SAV1: variants seen among roughly 807,000 people sequenced by gnomAD.
SAV1 encodes the protein protein salvador homolog 1.
A neutral mutation model predicts 47.3 loss-of-function variants in SAV1; 23 were observed. That is an observed-to-expected ratio of 0.49 (90% CI 0.35 to 0.69). SAV1 has a LOEUF of 0.69. SAV1 is among the 30% of genes least tolerant of loss of function. The probability of loss-of-function intolerance (pLI) is 0.01; values close to 1 mark genes in which losing one functional copy is unlikely to be tolerated. For synonymous variants in SAV1, 155 were observed against 159.2 expected, an observed-to-expected ratio of 0.97 and a Z score of 0.20; for missense variants, 448 against 457.4, an observed-to-expected ratio of 0.98 and a Z score of 0.19.
chr14:50,652,711 C>A (rs1404074253), intron 2 of SAV1, among the ~76,000 whole-genome samples: 1 of 152,056 alleles, frequency 6.6e-6, no homozygotes, highest in African/African-American at 2.4e-5. Context: ...TAATATGGAA[C>A]ATGAGAAAAA....
chr14:50,639,782 C>T (rs2039666825), intron 4 of SAV1, among the ~76,000 whole-genome samples: 1 of 152,142 alleles, frequency 6.6e-6, no homozygotes, highest in Non-Finnish European at 1.5e-5. Flanking sequence ...CTCTCCTCAA[C>T]CATATCCACC....
chr14:50,659,855 T>C (rs569070279), intron 2 of SAV1, among the ~76,000 whole-genome samples: 1 of 151,834 alleles, frequency 6.6e-6, no homozygotes, highest in African/African-American at 2.4e-5. Flanking sequence ...AAAAAGAAAA[T>C]AGAAGAGAAG....
chr14:50,648,995 T>G (rs1006452094), intron 2 of SAV1, among the ~76,000 whole-genome samples: 1 of 152,182 alleles, frequency 6.6e-6, no homozygotes, highest in Non-Finnish European at 1.5e-5. Flanking sequence ...CTACTGATGA[T>G]CAGACCTCCA....
chr14:50,641,300 T>C (rs1171984783), intron 3 of SAV1, among the ~76,000 whole-genome samples: 2 of 152,154 alleles, frequency 1.3e-5, no homozygotes, highest in East Asian at 3.9e-4. Flanking sequence ...GAAATATCTC[T>C]ATCCAATGCA....
At chr14:50,640,704 C>A in intron 4 of SAV1, 46 bp downstream of exon 4, 1 of 1,565,958 alleles carries the variant, frequency 6.4e-7, no homozygotes, top group East Asian at 2.3e-5. Context: ...CTCCATTCAG[C>A]CCTTCACTCA....
intron 2 of SAV1, 125 bp downstream of exon 2, chr14:50,665,054 G>C: frequency 7.4e-7 from 1 of 1,349,370 alleles, no homozygotes; most frequent in African/African-American, 1.5e-5. Context: ...AGCAGGATGA[G>C]CAAAGTGGAA....
chr14:50,646,515 G>A (rs933691731), intron 2 of SAV1, among the ~76,000 whole-genome samples: 8 of 151,996 alleles, frequency 5.3e-5, no homozygotes, highest in Admixed American at 3.3e-4. Context: ...GTGAAACCCC[G>A]TCTCTATTAA....
intron 4 of SAV1, among the ~76,000 whole-genome samples, chr14:50,639,644 T>C (rs187017381): frequency 1.3e-5 from 2 of 152,096 alleles, no homozygotes; most frequent in Non-Finnish European, 2.9e-5. Context: ...TCTTCAGGAA[T>C]CTGTTTCTTT....
chr14:50,644,140 C>G (rs1371510031), intron 3 of SAV1, among the ~76,000 whole-genome samples: 1 of 152,238 alleles, frequency 6.6e-6, no homozygotes, highest in Non-Finnish European at 1.5e-5. Flanking sequence ...AAGGGCTCAA[C>G]AGCCACACGT....
In SAV1 at chr14:50,668,008, T is replaced by G. The variant is rs2039919011; in HGVS notation, c.-41A>C. The G allele has an allele frequency of 6.8e-7, 1 of 1,474,644 alleles. No homozygotes were observed. The highest frequency in any genetic ancestry group is 9.1e-7 in the Non-Finnish European group (1 of 1,098,400). The allele number at this position is 1,474,644 out of a possible 1,614,324, so 91.3% of individuals were successfully genotyped here. A position where few individuals can be genotyped will look rare whatever the true frequency, so the allele number is the denominator to read the frequency against. On this transcript the variant is annotated 5_prime_UTR_variant, in exon 1 of 5. An upstream open reading frame in the 5' UTR loses its in-frame stop. Transcript: ENST00000324679. ...CCGAGGCCGCGCTGAACTGCCTCCC[T>G]AGGGCTCCGCGCCGGGCGCCGGCCG... is the stretch of plus-strand genomic sequence containing the variant.
rs140132743 is a variant in SAV1 at position 50,654,596 on chromosome 14, G to C, written c.536-9582C>G. Among the ~76,000 whole-genome samples the C allele has an allele frequency of 4.6e-5, 7 of 152,326 alleles. No individual in the cohort carries two copies. In the East Asian group the frequency reaches 1.2e-3, roughly 25 times the overall value. On this transcript the variant is annotated intron_variant, in intron 2 of 4. Coordinates refer to ENST00000324679, the MANE Select transcript of SAV1 (RefSeq NM_021818.4). ...AATATTGCAAGAATTACCAAGATGT[G>C]ACACAGAGACATGAAATGCGCACGT...
intron 4 of SAV1, among the ~76,000 whole-genome samples, 173 bp from the exon 5 acceptor site, chr14:50,635,557 TTGGGAGGCTGAGG>T (rs898841767): frequency 4.3e-4 from 65 of 152,256 alleles, no homozygotes; most frequent in Non-Finnish European, 6.6e-4. Context: ...TCCCAGCTAC[TTGGGAGGCTGAGG>T]TGGGAGGCTG....
rs148835502 is a variant in SAV1, at chr14:50,659,054, G to A, written c.535+6125C>T. Among the ~76,000 whole-genome samples the A allele has an allele frequency of 7.6e-4, 113 of 149,650 alleles. 1 individual carries two copies. The highest frequency in any genetic ancestry group is 2.6e-3 in the African/African-American group (104 of 40,654). Reference sequence around the variant, plus strand: ...GAAGTCTCTCAAGCTCTCAAGCAGTGTATCAACTGCTGTAAAGAATTTTTT... The same window carrying A: ...GAAGTCTCTCAAGCTCTCAAGCAGTATATCAACTGCTGTAAAGAATTTTTT... On this transcript the variant is annotated intron_variant, in intron 2 of 4. Coordinates refer to ENST00000324679, the MANE Select transcript of SAV1 (RefSeq NM_021818.4).
At chr14:50,655,379 T>C (rs1371598196) in intron 2 of SAV1, among the ~76,000 whole-genome samples, 2 of 151,688 alleles carry the variant, frequency 1.3e-5, no homozygotes, top group African/African-American at 4.8e-5. Context: ...TCAGGAAATA[T>C]ATAATAGAAA....
chr14:50,656,747 T>C (rs548255630), intron 2 of SAV1, among the ~76,000 whole-genome samples: 4 of 152,166 alleles, frequency 2.6e-5, no homozygotes, highest in Non-Finnish European at 5.9e-5. Context: ...CGGCCCCAGC[T>C]GTACTTTCTG....
chr14:50,663,474 TA>T (rs2039876599), intron 2 of SAV1, among the ~76,000 whole-genome samples: 1 of 152,206 alleles, frequency 6.6e-6, no homozygotes, highest in Admixed American at 6.5e-5. Context: ...CCTAATTCCT[TA>T]AAAACTAAAA....
At chr14:50,639,368 TTC>T (rs1157442976) in intron 4 of SAV1, among the ~76,000 whole-genome samples, 1 of 63,840 alleles carries the variant, frequency 1.6e-5, no homozygotes, top group Non-Finnish European at 3.0e-5. Flanking sequence ...TGATAATTGA[TTC>T]TCATTATCTA....
chr14:50,640,725 A>G (rs200812849), intron 4 of SAV1, 25 bp downstream of exon 4: 188 of 1,596,318 alleles, frequency 1.2e-4, no homozygotes, highest in Non-Finnish European at 2.7e-5. Context: ...CTCCTCAAAC[A>G]AATTTGTGTT....
intron 2 of SAV1, among the ~76,000 whole-genome samples, chr14:50,646,967 AT>A (rs149520049): frequency 2.8e-4 from 43 of 152,246 alleles, no homozygotes; most frequent in Admixed American, 1.2e-3. Flanking sequence ...TGGTCAACTG[AT>A]TTTTTTATAA....
Sources: allele counts gnomAD v4.1 joint callset (sites outside exome capture counted in the v4.1 genomes callset), GRCh38; gene constraint gnomAD v4.1.1; transcripts MANE v1.5; gene names NCBI Gene and HGNC (gene_info 2026-07-23, HGNC 2026-07-21).